Variants in DRC8 observed in about 807,000 individuals in gnomAD.
DRC8 encodes dynein regulatory complex subunit 8.
the DRC8 span, among the ~76,000 whole-genome samples, chr1:244,980,688 C>A: frequency 1.3e-5 from 2 of 152,278 alleles, no homozygotes; most frequent in South Asian, 4.1e-4. Context: ...AATAATAGTT[C>A]TAGTCTTGCA....
At chr1:244,990,078 G>C in the DRC8 span, among the ~76,000 whole-genome samples, 1 of 152,188 alleles carries the variant, frequency 6.6e-6, no homozygotes, top group Non-Finnish European at 1.5e-5. Flanking sequence ...CATGGCTCGG[G>C]ATGACCCGGG....
At chr1:245,002,180 GGAAGGTGGAA>G in the DRC8 span, 1 of 1,610,566 alleles carries the variant, frequency 6.2e-7, no homozygotes, top group Non-Finnish European at 8.5e-7. Context: ...AACATCTAAT[GGAAGGTGGAA>G]GAAGAGACCA....
chr1:245,111,466 T>C, the DRC8 span, among the ~76,000 whole-genome samples: 1 of 152,236 alleles, frequency 6.6e-6, no homozygotes, highest in African/African-American at 2.4e-5. Context: ...TTGTTTACAA[T>C]GCAGTTGGTG....
the DRC8 span, among the ~76,000 whole-genome samples, chr1:245,021,049 C>T: frequency 4.6e-5 from 7 of 151,990 alleles, no homozygotes; most frequent in African/African-American, 7.3e-5. Flanking sequence ...TTACATTGAA[C>T]GTATGTAAAA....
chr1:244,994,358 C>T, the DRC8 span, among the ~76,000 whole-genome samples: 2 of 152,174 alleles, frequency 1.3e-5, no homozygotes, highest in Admixed American at 1.3e-4. Flanking sequence ...AAGCCATATA[C>T]ACAAATTTGT....
At chr1:245,114,055 A>T in the DRC8 span, among the ~76,000 whole-genome samples, 1 of 152,224 alleles carries the variant, frequency 6.6e-6, no homozygotes, top group Non-Finnish European at 1.5e-5. Flanking sequence ...GAAGCAATTC[A>T]TTTTAAAAGC....
chr1:245,021,597 A>G, the DRC8 span, among the ~76,000 whole-genome samples: 3 of 151,940 alleles, frequency 2.0e-5, no homozygotes, highest in African/African-American at 7.3e-5. Context: ...CACCACGCCC[A>G]TCTAATTTTT....
the DRC8 span, chr1:244,969,726 G>C: frequency 5.2e-6 from 1 of 193,184 alleles, no homozygotes; most frequent in Non-Finnish European, 1.0e-5. Flanking sequence ...GTTTCCTCTT[G>C]CGCCCGGCCC....
chr1:245,024,101 C>T, the DRC8 span, among the ~76,000 whole-genome samples: 7 of 152,088 alleles, frequency 4.6e-5, no homozygotes, highest in East Asian at 5.8e-4. Flanking sequence ...ACCCGGGAGA[C>T]GGTGGTTGCA....
At chr1:245,116,490 C>T in the DRC8 span, among the ~76,000 whole-genome samples, 4 of 152,214 alleles carry the variant, frequency 2.6e-5, no homozygotes, top group East Asian at 3.9e-4. Flanking sequence ...TAGGAAGTTT[C>T]GGGTGGAGCT....
the DRC8 span, among the ~76,000 whole-genome samples, chr1:245,025,123 C>T: frequency 6.6e-5 from 10 of 151,970 alleles, no homozygotes; most frequent in South Asian, 8.3e-4. Flanking sequence ...AATGTCATTT[C>T]GAGTAGTTTT....
chr1:245,008,951 G>C, the DRC8 span, among the ~76,000 whole-genome samples: 1 of 150,730 alleles, frequency 6.6e-6, no homozygotes, highest in African/African-American at 2.4e-5. Context: ...GCCTCTCAAA[G>C]TGCTAGGATT....
the DRC8 span, among the ~76,000 whole-genome samples, chr1:244,993,672 A>G: frequency 6.6e-6 from 1 of 152,194 alleles, no homozygotes; most frequent in Admixed American, 6.5e-5. Flanking sequence ...ACATTTCTGG[A>G]GGCTGGAAAG....
chr1:245,025,223 A>T, the DRC8 span, among the ~76,000 whole-genome samples: 1 of 152,268 alleles, frequency 6.6e-6, no homozygotes, highest in African/African-American at 2.4e-5. Flanking sequence ...AAAGAAGATA[A>T]TTTTTCCATG....
chr1:244,999,798 G>GT, the DRC8 span, among the ~76,000 whole-genome samples: 8 of 143,930 alleles, frequency 5.6e-5, no homozygotes, highest in African/African-American at 1.8e-4. Flanking sequence ...CCATGATAAA[G>GT]TTTTTTTGTT....
the DRC8 span, among the ~76,000 whole-genome samples, chr1:245,096,352 G>A: frequency 6.6e-6 from 1 of 152,274 alleles, no homozygotes; most frequent in Non-Finnish European, 1.5e-5. Context: ...CAGGCGGGAC[G>A]AGGGGCCAAC....
At chr1:245,080,317 G>A in the DRC8 span, among the ~76,000 whole-genome samples, 1 of 152,126 alleles carries the variant, frequency 6.6e-6, no homozygotes, top group Non-Finnish European at 1.5e-5. Flanking sequence ...CATCCAAGTC[G>A]AACCCACGGG....
the DRC8 span, among the ~76,000 whole-genome samples, chr1:244,982,422 T>C: frequency 3.9e-5 from 6 of 152,342 alleles, no homozygotes; most frequent in African/African-American, 1.4e-4. Flanking sequence ...CCCAGCACTT[T>C]GGGAGGCCAA....
the DRC8 span, among the ~76,000 whole-genome samples, chr1:244,993,686 G>A: frequency 1.3e-5 from 2 of 152,190 alleles, no homozygotes; most frequent in African/African-American, 4.8e-5. Flanking sequence ...TGGAAAGTCC[G>A]AGATTGAGGG....
Sources: allele counts gnomAD v4.1 joint callset (sites outside exome capture counted in the v4.1 genomes callset), GRCh38; gene constraint gnomAD v4.1.1; transcripts MANE v1.5; gene names NCBI Gene and HGNC (gene_info 2026-07-23, HGNC 2026-07-21).